GLDC: variants seen among roughly 807,000 people sequenced by gnomAD.
The protein encoded by GLDC is glycine decarboxylase.
GLDC carries 104 observed loss-of-function variants against 121.3 expected under a neutral mutation model. That is an observed-to-expected ratio of 0.86 (90% CI 0.73 to 1.01). The LOEUF (loss-of-function observed/expected upper bound fraction) is 1.01, where lower values mean the gene tolerates loss of function less well. GLDC is among the 50% of genes least tolerant of loss of function. The pLI is 0.00. For synonymous variants in GLDC, 546 were observed against 480.6 expected (o/e 1.14, Z -1.78); for missense variants, 1,429 against 1,306.6 (o/e 1.09, Z -1.44).
intron 9 of GLDC, among the ~76,000 whole-genome samples, chr9:6,594,229 T>C (rs981858065): frequency 6.6e-6 from 1 of 152,172 alleles, no homozygotes; most frequent in African/African-American, 2.4e-5. Flanking sequence ...AAATTCTATG[T>C]CTACTGGCCA....
intron 2 of GLDC, 191 bp downstream of exon 2, chr9:6,644,423 C>G (rs888151599): frequency 9.4e-6 from 6 of 640,902 alleles, no homozygotes; most frequent in African/African-American, 7.3e-5. Context: ...TCTCCTAACA[C>G]AAAACTGTCT....
At chr9:6,580,488 T>C (rs1818152447) in intron 15 of GLDC, among the ~76,000 whole-genome samples, 2 of 152,182 alleles carry the variant, frequency 1.3e-5, no homozygotes, top group Non-Finnish European at 2.9e-5. Context: ...CCGGAAGATG[T>C]AGGGCTCAGC....
intron 8 of GLDC, among the ~76,000 whole-genome samples, chr9:6,598,175 G>T (rs1818528329): frequency 6.6e-6 from 1 of 152,064 alleles, no homozygotes; most frequent in Non-Finnish European, 1.5e-5. Context: ...ATACTGGTGT[G>T]TACCACAACA....
At chr9:6,622,635 C>T (rs988674039) in intron 2 of GLDC, 28 of 205,174 alleles carry the variant, frequency 1.4e-4, no homozygotes, top group Admixed American at 1.1e-3. Context: ...CCCAAAGTGC[C>T]GAGATGGCAG....
At chr9:6,544,233 G>C (rs986578427) in intron 21 of GLDC, among the ~76,000 whole-genome samples, 1 of 152,132 alleles carries the variant, frequency 6.6e-6, no homozygotes, top group Non-Finnish European at 1.5e-5. Flanking sequence ...GCGAGAATGA[G>C]GTTTCCCCGA....
At chr9:6,631,518 A>G (rs1819376917) in intron 2 of GLDC, among the ~76,000 whole-genome samples, 1 of 152,180 alleles carries the variant, frequency 6.6e-6, no homozygotes, top group Non-Finnish European at 1.5e-5. Context: ...TAATCTACAA[A>G]TGTTAAGAAA....
intron 7 of GLDC, 147 bp downstream of exon 7, chr9:6,604,441 G>C (rs1340646251): frequency 1.2e-6 from 1 of 800,876 alleles, no homozygotes; most frequent in Non-Finnish European, 2.0e-6. Context: ...ATCCCAAACA[G>C]AATTGTTCTT....
chr9:6,622,174 A>G (rs935627169), intron 2 of GLDC, among the ~76,000 whole-genome samples: 6 of 151,324 alleles, frequency 4.0e-5, no homozygotes, highest in Non-Finnish European at 2.9e-5. Flanking sequence ...ACACACACAC[A>G]CACACACACA....
rs1410625190 is a variant in GLDC, at chr9:6,534,748, C to T, written c.2879G>A (p.Trp960Ter). 1.9e-6 allele frequency: 3 copies of T among 1,608,308 alleles called. No individual in the cohort carries two copies. The highest frequency in any genetic ancestry group is 2.6e-6 in the Non-Finnish European group (3 of 1,174,910). Residue 960 changes from tryptophan (W) to a stop codon, truncating the protein, a stop_gained, in exon 24 of 25, where the codon TGG becomes TAG. Transcript: ENST00000321612. LOFTEE classifies it high-confidence loss of function. ...HSLTCVTSSH[W>*]DRPYSREVAA... ...CACCTCTCTGGAATAAGGCCGGTCC[C>T]AGTGGGAAGATGTAACGCAGGTCAG...
chr9:6,554,283 A>AC (rs1223122370), intron 19 of GLDC, among the ~76,000 whole-genome samples: 1 of 152,086 alleles, frequency 6.6e-6, no homozygotes, highest in African/African-American at 2.4e-5. Context: ...TTTCAATGGA[A>AC]CCATTAGCTG....
intron 24 of GLDC, 58 bp from the exon 25 acceptor site, chr9:6,533,218 C>A (rs1276559436): frequency 1.3e-6 from 2 of 1,486,610 alleles, no homozygotes; most frequent in Non-Finnish European, 1.9e-6. Flanking sequence ...TCTCTTAGGG[C>A]AAAGGAGGTG....
chr9:6,598,239 T>G (rs1415103996), intron 8 of GLDC, among the ~76,000 whole-genome samples: 1 of 152,120 alleles, frequency 6.6e-6, no homozygotes, highest in Non-Finnish European at 1.5e-5. Context: ...CTATGTTGCC[T>G]GGGATGGATT....
At chr9:6,629,285 G>A (rs565909122) in intron 2 of GLDC, among the ~76,000 whole-genome samples, 1 of 151,086 alleles carries the variant, frequency 6.6e-6, no homozygotes, top group Non-Finnish European at 1.5e-5. Context: ...TGCGATCTCG[G>A]CTCACTGCAA....
intron 2 of GLDC, among the ~76,000 whole-genome samples, chr9:6,637,393 G>A (rs547156903): frequency 7.0e-6 from 1 of 142,756 alleles, no homozygotes; most frequent in South Asian, 2.2e-4. Flanking sequence ...GGATAAGAGC[G>A]AGACTTCTCT....
At chr9:6,535,769 A>G (rs2129648454) in intron 23 of GLDC, among the ~76,000 whole-genome samples, 1 of 152,276 alleles carries the variant, frequency 6.6e-6, no homozygotes, top group South Asian at 2.1e-4. Context: ...GAATATGTAA[A>G]TTTTATTTAT....
In GLDC at chr9:6,598,683, A is replaced by G. The variant is rs572217155; in HGVS notation, c.1155+3426T>C. ...GAGTTATGAGTAATTCTTGTATGCA[A>G]TCAACTATGAAAAGGCACATATGCA... On this transcript the variant is annotated intron_variant, in intron 8 of 24. Coordinates refer to ENST00000321612, the MANE Select transcript of GLDC (RefSeq NM_000170.3). 3.9e-5 allele frequency among the ~76,000 whole-genome samples: 6 copies of G among 152,354 alleles called. No individual in the cohort carries two copies. In the South Asian group the frequency reaches 1.0e-3, roughly 26 times the overall value.
intron 21 of GLDC, among the ~76,000 whole-genome samples, chr9:6,546,986 A>G (rs955753615): frequency 2.0e-5 from 3 of 151,850 alleles, no homozygotes; most frequent in African/African-American, 4.8e-5. Context: ...TAATAATAAT[A>G]ATGATAAGAA....
chr9:6,614,631 C>A (rs1818932623), intron 3 of GLDC, among the ~76,000 whole-genome samples: 1 of 151,692 alleles, frequency 6.6e-6, no homozygotes, highest in South Asian at 2.1e-4. Flanking sequence ...TCAAGTGATC[C>A]TTCCACCTCA....
At chr9:6,606,157 A>G (rs1818726602) in intron 5 of GLDC, 1 of 200,018 alleles carries the variant, frequency 5.0e-6, no homozygotes, top group Admixed American at 5.5e-5. Flanking sequence ...AATAGAAAAA[A>G]AATTAGCCAG....
Sources: allele counts gnomAD v4.1 joint callset (sites outside exome capture counted in the v4.1 genomes callset), GRCh38; gene constraint gnomAD v4.1.1; transcripts MANE v1.5; gene names NCBI Gene and HGNC (gene_info 2026-07-23, HGNC 2026-07-21).